The following GPC6 variants were observed in gnomAD, a reference collection of about 807,000 sequenced individuals.
GPC6 encodes glypican 6.
Under a neutral mutation model 55.2 loss-of-function variants are expected in GPC6, and 14 were observed. That is an observed-to-expected ratio of 0.25 (90% CI 0.17 to 0.40). GPC6 has a LOEUF of 0.40. Ranked by LOEUF, GPC6 falls within the 10% of genes least tolerant of loss-of-function variation. The probability of loss-of-function intolerance (pLI) is 1.00; values close to 1 mark genes in which losing one functional copy is unlikely to be tolerated. For synonymous variants in GPC6, 278 were observed against 259.6 expected, an observed-to-expected ratio of 1.07 and a Z score of -0.68; for missense variants, 641 against 708.5, an observed-to-expected ratio of 0.90 and a Z score of 1.08.
chr13:93,397,657 G>A (rs923200569), intron 1 of GPC6, among the ~76,000 whole-genome samples: 2 of 152,016 alleles, frequency 1.3e-5, no homozygotes, highest in African/African-American at 4.8e-5. Flanking sequence ...TACTGTGCTG[G>A]GTTACAGGAC....
intron 4 of GPC6, among the ~76,000 whole-genome samples, chr13:94,092,395 T>G (rs1159465051): frequency 1.3e-5 from 2 of 152,138 alleles, no homozygotes; most frequent in East Asian, 1.9e-4. Context: ...AGTATTTGTC[T>G]CTCTGTGCTT....
chr13:94,014,136 A>G (rs992601145), intron 3 of GPC6, among the ~76,000 whole-genome samples: 3 of 152,182 alleles, frequency 2.0e-5, no homozygotes, highest in Non-Finnish European at 4.4e-5. Context: ...AAGATGGAGA[A>G]AAGATAGTTT....
rs1046701661 is a variant in GPC6 at position 94,083,335 on chromosome 13, G to A, written c.877+55441G>A. Among the ~76,000 whole-genome samples, 6 of 152,258 alleles carry A rather than the reference G, an allele frequency of 3.9e-5. 1 individual carries two copies. In the South Asian group the frequency reaches 6.2e-4, roughly 16 times the overall value. ...GGGTTTCACCGTGTTAGCCAGGATG[G>A]TCTCGATCTCCTGACCTTGTGATGC... On this transcript the variant is annotated intron_variant, in intron 4 of 8. Transcript: ENST00000377047.
At chr13:93,380,694 A>G (rs1183275550) in intron 1 of GPC6, among the ~76,000 whole-genome samples, 1 of 152,108 alleles carries the variant, frequency 6.6e-6, no homozygotes, top group African/African-American at 2.4e-5. Context: ...CTGTCATGGA[A>G]AAGCAGTCAG....
Position 93,506,806 on chromosome 13 carries a change from C to T in GPC6, c.161-38457C>T, listed in dbSNP as rs1209683192. 3.4e-5 allele frequency among the ~76,000 whole-genome samples: 5 copies of T among 146,430 alleles called. No individual in the cohort carries two copies. In the South Asian group the frequency reaches 6.5e-4, roughly 19 times the overall value. On this transcript the variant is annotated intron_variant, in intron 1 of 8. Coordinates refer to ENST00000377047, the MANE Select transcript of GPC6 (RefSeq NM_005708.5). Reference sequence around the variant, plus strand: ...CTGTAATCCCGGCACTTTGGGAGGCCGAGGTGGGCGGATCGCGATGTCAGG... The same window carrying T: ...CTGTAATCCCGGCACTTTGGGAGGCTGAGGTGGGCGGATCGCGATGTCAGG...
At chr13:93,802,707 CCT>C (rs1886415019) in intron 2 of GPC6, among the ~76,000 whole-genome samples, 1 of 151,970 alleles carries the variant, frequency 6.6e-6, no homozygotes, top group East Asian at 1.9e-4. Context: ...CTGAAAATAA[CCT>C]TTTACAGAAG....
intron 1 of GPC6, among the ~76,000 whole-genome samples, chr13:93,228,016 G>A (rs1594039477): frequency 6.6e-6 from 1 of 152,162 alleles, no homozygotes; most frequent in African/African-American, 2.4e-5. Context: ...AACTGCGACC[G>A]CAGTTTGCCC....
intron 2 of GPC6, among the ~76,000 whole-genome samples, chr13:93,655,003 A>ATTTT (rs3884231): frequency 0.1 from 10,655 of 104,524 alleles, 727 homozygotes; most frequent in East Asian, 0.25. Flanking sequence ...TGCCCGGCTA[A>ATTTT]TTTTTTTTTT....
intron 2 of GPC6, among the ~76,000 whole-genome samples, chr13:93,727,437 C>A (rs975821656): frequency 2.0e-5 from 3 of 152,168 alleles, no homozygotes; most frequent in Non-Finnish European, 4.4e-5. Context: ...CACATCATCT[C>A]TTTCCTGGAC....
At chr13:93,737,740 G>T (rs4589418) in intron 2 of GPC6, among the ~76,000 whole-genome samples, 139,684 of 152,114 alleles carry the variant, frequency 0.92, 64,269 homozygotes, top group Admixed American at 0.96. Context: ...ATGTTCCTAT[G>T]TTGTGAAAAT....
chr13:93,952,853 CGTATATATAT>C (rs1335050327), intron 3 of GPC6, among the ~76,000 whole-genome samples: 3 of 130,744 alleles, frequency 2.3e-5, no homozygotes, highest in African/African-American at 8.2e-5. Context: ...CATATATATA[CGTATATATAT>C]GTATATATAT....
intron 2 of GPC6, among the ~76,000 whole-genome samples, chr13:93,765,308 T>TTCCAGATAAGCTGTCTAGAA: frequency 6.7e-6 from 1 of 148,686 alleles, no homozygotes; most frequent in African/African-American, 2.5e-5. Context: ...AAAGACAACT[T>TTCCAGATAAGCTGTCTAGAA]ATTTGGTTTA....
intron 2 of GPC6, among the ~76,000 whole-genome samples, chr13:93,770,917 T>C (rs1215784170): frequency 1.3e-5 from 2 of 152,078 alleles, no homozygotes; most frequent in East Asian, 3.9e-4. Context: ...TGGTTCTCAA[T>C]TTGTTGACTG....
intron 3 of GPC6, among the ~76,000 whole-genome samples, chr13:94,009,625 A>G (rs962598924): frequency 3.3e-5 from 5 of 152,144 alleles, no homozygotes; most frequent in Admixed American, 6.6e-5. Context: ...TTACCTCTGT[A>G]CACGTCTCCC....
chr13:93,898,635 TTTG>T (rs1876157316), intron 3 of GPC6, among the ~76,000 whole-genome samples: 2 of 138,466 alleles, frequency 1.4e-5, no homozygotes, highest in African/African-American at 2.5e-5. Flanking sequence ...CCATATTGTG[TTTG>T]TTTTTTTGTT....
intron 6 of GPC6, among the ~76,000 whole-genome samples, chr13:94,347,907 G>C (rs1168031735): frequency 2.0e-5 from 3 of 152,216 alleles, no homozygotes; most frequent in Non-Finnish European, 4.4e-5. Flanking sequence ...ACCAAAGCGG[G>C]TGGGTACCCG....
intron 1 of GPC6, among the ~76,000 whole-genome samples, chr13:93,524,207 AACTTTGAGAGGTTTG>A (rs1881559507): frequency 1.3e-5 from 2 of 152,016 alleles, no homozygotes; most frequent in African/African-American, 4.8e-5. Flanking sequence ...ACTAAAGGGT[AACTTTGAGAGGTTTG>A]ACTTTGTCCA....
chr13:93,786,629 G>A (rs1885822621), intron 2 of GPC6, among the ~76,000 whole-genome samples: 2 of 149,920 alleles, frequency 1.3e-5, no homozygotes, highest in Non-Finnish European at 3.0e-5. Context: ...GCAATAAATT[G>A]TTTGACGACT....
intron 1 of GPC6, among the ~76,000 whole-genome samples, chr13:93,513,151 C>T (rs1193616411): frequency 6.6e-6 from 1 of 152,156 alleles, no homozygotes; most frequent in Non-Finnish European, 1.5e-5. Context: ...TCCAGTGTAG[C>T]TTCTGTTGGG....
Sources: gnomAD v4.1 joint callset for allele counts (sites outside exome capture counted in the v4.1 genomes callset) on GRCh38, gnomAD v4.1.1 for gene constraint, MANE v1.5 for transcripts, NCBI Gene and HGNC (gene_info 2026-07-23, HGNC 2026-07-21) for gene names.